Variants in MYO3B observed in about 807,000 individuals in gnomAD.
The protein encoded by MYO3B is myosin-IIIb.
In MYO3B, 156 loss-of-function variants were observed where a neutral mutation model predicts 174.6. The ratio of observed to expected loss-of-function variants is 0.89; its 90% CI spans 0.78 to 1.02. MYO3B has a LOEUF of 1.02. Among genes scored for constraint, MYO3B ranks in the 50% least tolerant of loss-of-function variants. The probability of loss-of-function intolerance (pLI) is 0.00; values close to 1 mark genes in which losing one functional copy is unlikely to be tolerated. For synonymous variants in MYO3B, 563 were observed against 569.1 expected, an observed-to-expected ratio of 0.99 and a Z score of 0.15; for missense variants, 1,632 against 1,639.4, an observed-to-expected ratio of 1.00 and a Z score of 0.08.
intron 7 of MYO3B, among the ~76,000 whole-genome samples, chr2:170,236,824 G>T (rs1318696081): frequency 1.3e-5 from 2 of 152,176 alleles, no homozygotes; most frequent in African/African-American, 2.4e-5. Flanking sequence ...GAGATAATTT[G>T]TACCTTCCAT....
intron 7 of MYO3B, among the ~76,000 whole-genome samples, chr2:170,264,163 C>G (rs1016864475): frequency 6.6e-6 from 1 of 152,208 alleles, no homozygotes; most frequent in Non-Finnish European, 1.5e-5. Context: ...GAGAATTTTT[C>G]TTAGTACAGA....
intron 22 of MYO3B, among the ~76,000 whole-genome samples, chr2:170,430,742 A>C (rs2094702270): frequency 6.6e-6 from 1 of 152,214 alleles, no homozygotes; most frequent in Non-Finnish European, 1.5e-5. Flanking sequence ...TTAACAAATT[A>C]CACCTGGATT....
chr2:170,269,902 G>A (rs978304814), intron 7 of MYO3B, among the ~76,000 whole-genome samples: 4 of 152,142 alleles, frequency 2.6e-5, no homozygotes, highest in African/African-American at 9.7e-5. Context: ...CAGTAGGTTC[G>A]GTGAGGAGCA....
At chr2:170,411,253 A>G (rs2094544306) in intron 22 of MYO3B, among the ~76,000 whole-genome samples, 1 of 152,198 alleles carries the variant, frequency 6.6e-6, no homozygotes, top group Non-Finnish European at 1.5e-5. Flanking sequence ...AGTCATGCAT[A>G]GCTTAATGAT....
chr2:170,455,435 A>T (rs1683852306), intron 23 of MYO3B, among the ~76,000 whole-genome samples: 1 of 152,320 alleles, frequency 6.6e-6, no homozygotes, highest in Non-Finnish European at 1.5e-5. Flanking sequence ...ATGGTTTAGG[A>T]ATCAAAGTGG....
intron 22 of MYO3B, among the ~76,000 whole-genome samples, chr2:170,433,806 T>C (rs1430745018): frequency 6.6e-5 from 10 of 152,238 alleles, no homozygotes. Flanking sequence ...GTTCACATAA[T>C]GACAAAATTC....
intron 30 of MYO3B, among the ~76,000 whole-genome samples, chr2:170,525,994 G>A (rs1688974455): frequency 6.6e-6 from 1 of 152,174 alleles, no homozygotes; most frequent in Admixed American, 6.5e-5. Context: ...GAAACCAGAG[G>A]GAAAATGGCA....
intron 25 of MYO3B, among the ~76,000 whole-genome samples, chr2:170,494,510 T>C (rs1378216897): frequency 1.3e-5 from 2 of 151,942 alleles, no homozygotes; most frequent in Non-Finnish European, 1.5e-5. Flanking sequence ...GGCAGATCAC[T>C]TGAGGTCAGG....
chr2:170,633,967 G>A (rs571889814), intron 32 of MYO3B, among the ~76,000 whole-genome samples: 4 of 152,186 alleles, frequency 2.6e-5, no homozygotes, highest in Non-Finnish European at 5.9e-5. Context: ...AAATAAAAGA[G>A]GACACAAACA....
chr2:170,291,002 C>T (rs1412504879), intron 7 of MYO3B, among the ~76,000 whole-genome samples: 1 of 152,104 alleles, frequency 6.6e-6, no homozygotes, highest in Non-Finnish European at 1.5e-5. Context: ...GTAATCCCAG[C>T]ACTTTGGGAG....
intron 3 of MYO3B, among the ~76,000 whole-genome samples, chr2:170,202,095 G>T (rs542589279): frequency 1.3e-5 from 2 of 152,132 alleles, no homozygotes; most frequent in African/African-American, 2.4e-5. Flanking sequence ...TGGCAACTCA[G>T]GTATGGCCAA....
At chr2:170,438,199 C>T (rs1162130899) in intron 22 of MYO3B, among the ~76,000 whole-genome samples, 2 of 152,064 alleles carry the variant, frequency 1.3e-5, no homozygotes, top group African/African-American at 4.8e-5. Flanking sequence ...CTGTGACTGG[C>T]TTATTTCACT....
chr2:170,570,568 A>G (rs72881851), intron 32 of MYO3B, among the ~76,000 whole-genome samples: 12,440 of 152,232 alleles, frequency 0.082, 558 homozygotes, highest in South Asian at 0.16. Context: ...CCTGGGCTCT[A>G]GCAGACCTTG....
chr2:170,470,056 C>T (rs1054425176), intron 25 of MYO3B, among the ~76,000 whole-genome samples: 4 of 128,466 alleles, frequency 3.1e-5, no homozygotes, highest in East Asian at 2.7e-4. Context: ...GAGCCGAGAT[C>T]GTGCCATTGC....
intron 1 of MYO3B, among the ~76,000 whole-genome samples, chr2:170,194,639 A>C (rs1435356799): frequency 6.6e-6 from 1 of 152,150 alleles, no homozygotes; most frequent in Non-Finnish European, 1.5e-5. Context: ...GTGTGTGTGC[A>C]TCCTATTGTA....
At chr2:170,339,135 A>G (rs2093962665) in intron 8 of MYO3B, among the ~76,000 whole-genome samples, 1 of 152,212 alleles carries the variant, frequency 6.6e-6, no homozygotes, top group East Asian at 1.9e-4. Flanking sequence ...AAGATGGAGG[A>G]TTAAGACCTT....
At chr2:170,386,397 T>C in intron 13 of MYO3B, 125 bp downstream of exon 13, 1 of 708,232 alleles carries the variant, frequency 1.4e-6, no homozygotes. Context: ...CCATCTTTGC[T>C]ACGTTTGCCT....
intron 8 of MYO3B, among the ~76,000 whole-genome samples, chr2:170,356,242 T>A (rs1357151840): frequency 6.6e-6 from 1 of 152,030 alleles, no homozygotes; most frequent in Non-Finnish European, 1.5e-5. Context: ...ATTACAGGCA[T>A]GAGCCACCGC....
chr2:170,602,245 T>C lies in MYO3B; in HGVS notation c.3734-49383T>C, dbSNP rs1694555895. 13 of 898,984 alleles carry C rather than the reference T, an allele frequency of 1.4e-5. No individual in the cohort carries two copies. The East Asian group carries it at 2.9e-4, about 20-fold the overall frequency. The allele number at this position is 898,984 out of a possible 1,614,324, so 55.7% of individuals were successfully genotyped here. A position where few individuals can be genotyped will look rare whatever the true frequency, so the allele number is the denominator to read the frequency against. ...TTTGCCCATGTTGAGTTATTTTTCCTCAGCGAGGCACACAGTCACCCAGTG... is the reference window on the plus strand; with the variant it reads ...TTTGCCCATGTTGAGTTATTTTTCCCCAGCGAGGCACACAGTCACCCAGTG... On this transcript the variant is annotated intron_variant, in intron 32 of 34. Coordinates refer to ENST00000408978, the MANE Select transcript of MYO3B (RefSeq NM_138995.5).
Sources: gnomAD v4.1 joint callset for allele counts (sites outside exome capture counted in the v4.1 genomes callset) on GRCh38, gnomAD v4.1.1 for gene constraint, MANE v1.5 for transcripts, NCBI Gene and HGNC (gene_info 2026-07-23, HGNC 2026-07-21) for gene names.